The following KMT2C variants were observed in gnomAD, a reference collection of about 807,000 sequenced individuals.
KMT2C encodes the protein lysine methyltransferase 2C.
KMT2C carries 88 observed loss-of-function variants against 507.9 expected under a neutral mutation model. The ratio of observed to expected loss-of-function variants is 0.17; its 90% CI spans 0.15 to 0.21. The LOEUF (loss-of-function observed/expected upper bound fraction) is 0.21. KMT2C is among the 10% of genes least tolerant of loss of function. KMT2C has a pLI of 1.00. For synonymous variants in KMT2C, 2,049 were observed against 2,080.8 expected (o/e 0.98, Z 0.42); for missense variants, 4,954 against 5,957.8 (o/e 0.83, Z 5.55).
rs367953845 is a variant in KMT2C, at chr7:152,412,412, T to G, written c.161+23214A>C. 8.6e-3 allele frequency among the ~76,000 whole-genome samples: 1,315 copies of G among 152,236 alleles called. 21 individuals carry two copies. Among genetic ancestry groups the G allele is most frequent in the African/African-American group, 0.031 (1,269 of 41,544 alleles). On this transcript the variant is annotated intron_variant, in intron 1 of 58. Coordinates refer to ENST00000262189, the MANE Select transcript of KMT2C (RefSeq NM_170606.3). ...CAAGACTCCCTCTCAAAAAAAAATT[T>G]TTTTAATGTTGCAACCAATTTTTCT...
At chr7:152,222,753 T>C in intron 20 of KMT2C, 71 bp from the exon 21 acceptor site, 3 of 826,426 alleles carry the variant, frequency 3.6e-6, no homozygotes, top group South Asian at 3.0e-5. Context: ...TTTTAAAACC[T>C]GTAACACTGA....
At chr7:152,268,291 T>C (rs1394672948) in intron 7 of KMT2C, among the ~76,000 whole-genome samples, 1 of 151,940 alleles carries the variant, frequency 6.6e-6, no homozygotes, top group African/African-American at 2.4e-5. Context: ...AAAAAAACTC[T>C]GCACATTATT....
intron 1 of KMT2C, among the ~76,000 whole-genome samples, chr7:152,397,755 CGA>C (rs1564112937): frequency 6.6e-6 from 1 of 152,118 alleles, no homozygotes; most frequent in African/African-American, 2.4e-5. Flanking sequence ...ATAAATCTCA[CGA>C]GATATGATAG....
chr7:152,261,732 ACAAATT>A (rs1415662182), intron 9 of KMT2C, among the ~76,000 whole-genome samples: 1 of 152,232 alleles, frequency 6.6e-6, no homozygotes, highest in Non-Finnish European at 1.5e-5. Flanking sequence ...AAAATGAATT[ACAAATT>A]CAACTTCATA....
At chr7:152,338,759 A>G (rs1400152190) in intron 2 of KMT2C, among the ~76,000 whole-genome samples, 1 of 152,224 alleles carries the variant, frequency 6.6e-6, no homozygotes, top group Non-Finnish European at 1.5e-5. Context: ...CACTACTTCC[A>G]CCGCCTGGCA....
intron 24 of KMT2C, 94 bp downstream of exon 24, chr7:152,207,206 G>T (rs1442196538): frequency 8.6e-7 from 1 of 1,166,454 alleles, no homozygotes; most frequent in Non-Finnish European, 1.2e-6. Context: ...TCTGAAGCCT[G>T]AATATTTAAT....
chr7:152,179,287 C>T (rs886877898), intron 37 of KMT2C, among the ~76,000 whole-genome samples: 2 of 152,234 alleles, frequency 1.3e-5, no homozygotes, highest in African/African-American at 2.4e-5. Context: ...TGAGCCACTG[C>T]GCCCAGCCTA....
At chr7:152,435,166 G>A (rs1182951443) in intron 1 of KMT2C, among the ~76,000 whole-genome samples, 1 of 151,946 alleles carries the variant, frequency 6.6e-6, no homozygotes, top group Non-Finnish European at 1.5e-5. Context: ...CCCAGCCCGC[G>A]CCCCGAGACC....
At position 152,158,966 on chromosome 7, in the gene KMT2C, C is replaced by G. The variant is rs2092280456; in HGVS notation, c.11567G>C (p.Arg3856Thr). The change falls in exon 44 of 59, where the codon AGG becomes ACG. Residue 3856 changes from arginine to threonine, a missense_variant. By Grantham distance (71) the Arg-to-Thr change is moderately conservative. Coordinates refer to ENST00000262189, the MANE Select transcript of KMT2C (RefSeq NM_170606.3). ...TKKQRSKRTQ[R>T]TGEKAAPRSK... Reference sequence around the variant, plus strand: ...GCGAGGTGCTGCTTTCTCACCCGTCCTCTGAGTCCGTTTGCTTCGCTGTTT... The same window carrying G: ...GCGAGGTGCTGCTTTCTCACCCGTCGTCTGAGTCCGTTTGCTTCGCTGTTT... 6.2e-7 allele frequency: 1 copy of G among 1,614,188 alleles called. No individual in the cohort carries two copies. Among genetic ancestry groups the G allele is most frequent in the Non-Finnish European group, 8.5e-7 (1 of 1,180,034 alleles).
chr7:152,160,631 A>T (rs1005535058), intron 43 of KMT2C, among the ~76,000 whole-genome samples: 16 of 146,658 alleles, frequency 1.1e-4, no homozygotes, highest in African/African-American at 4.0e-4. Context: ...ATATATTTAT[A>T]TATTTATATT....
At chr7:152,256,488 G>A (rs2095664245) in intron 9 of KMT2C, among the ~76,000 whole-genome samples, 2 of 152,144 alleles carry the variant, frequency 1.3e-5, no homozygotes, top group African/African-American at 4.8e-5. Flanking sequence ...CTTGAGCCCA[G>A]GTCAAGGCTA....
chr7:152,156,798 T>C (rs1033465922), intron 44 of KMT2C, among the ~76,000 whole-genome samples: 3 of 152,138 alleles, frequency 2.0e-5, no homozygotes, highest in African/African-American at 7.2e-5. Context: ...ACAACTCACA[T>C]CCGAGATATG....
In KMT2C at chr7:152,367,517, G is replaced by A; in HGVS notation, c.162-8842C>T. 4 of 1,076,818 alleles carry A rather than the reference G, an allele frequency of 3.7e-6. No individual in the cohort carries two copies. The South Asian group carries it at 5.0e-5, about 13-fold the overall frequency. 66.7% of individuals were successfully genotyped at this position (1,076,818 alleles called of 1,614,324 possible). A position where few individuals can be genotyped will look rare whatever the true frequency, so the allele number is the denominator to read the frequency against. On this transcript the variant is annotated intron_variant, in intron 1 of 58. Transcript: ENST00000262189. ...ACAGGTGTGAGCCACCTTACCCAGAGAGGCGAACCTGGATTGGGAAAGTCG... is the reference window on the plus strand; with the variant it reads ...ACAGGTGTGAGCCACCTTACCCAGAAAGGCGAACCTGGATTGGGAAAGTCG...
intron 1 of KMT2C, among the ~76,000 whole-genome samples, chr7:152,389,953 A>C (rs1173020051): frequency 1.3e-5 from 2 of 152,250 alleles, no homozygotes; most frequent in Non-Finnish European, 2.9e-5. Context: ...AAAAGAAGTA[A>C]CTCAGAACCA....
chr7:152,232,619 T>A lies in KMT2C; in HGVS notation c.2770-2298A>T, dbSNP rs182145149. ...AGGGAAATAAGAAGGACTGAGGAGT[T>A]AGTAATGGTAAATTCTGATCTACCT... On this transcript the variant is annotated intron_variant, in intron 16 of 58. Transcript: ENST00000262189. Among the ~76,000 whole-genome samples the A allele has an allele frequency of 5.0e-3, 760 of 152,276 alleles. 2 individuals are homozygous for A. Among genetic ancestry groups the A allele is most frequent in the Non-Finnish European group, 6.7e-3 (455 of 68,000 alleles).
intron 1 of KMT2C, among the ~76,000 whole-genome samples, chr7:152,430,185 A>G (rs1160902628): frequency 7.7e-6 from 1 of 129,268 alleles, no homozygotes; most frequent in Admixed American, 7.6e-5. Flanking sequence ...CAAAAAAAAG[A>G]AAAAAAAAAA....
Position 152,430,223 on chromosome 7 carries a change from C to T in KMT2C, c.161+5403G>A, listed in dbSNP as rs1470903752. Among the ~76,000 whole-genome samples the T allele has an allele frequency of 4.0e-5, 6 of 151,428 alleles. No homozygotes were observed. The South Asian group carries it at 1.0e-3, about 26-fold the overall frequency. The stretch of plus-strand genomic sequence containing the variant: ...AACAGAAATCATCTCTATTCTACTT[C>T]GTAACTTTTGCCACTTATCCTGCCA... On this transcript the variant is annotated intron_variant, in intron 1 of 58. Transcript: ENST00000262189.
At chr7:152,351,904 C>T (rs1297247573) in intron 2 of KMT2C, among the ~76,000 whole-genome samples, 1 of 152,062 alleles carries the variant, frequency 6.6e-6, no homozygotes, top group African/African-American at 2.4e-5. Flanking sequence ...AAATTGTTTG[C>T]AGAGCATGTG....
chr7:152,433,813 G>C (rs555171127), intron 1 of KMT2C, among the ~76,000 whole-genome samples: 1 of 152,278 alleles, frequency 6.6e-6, no homozygotes, highest in Non-Finnish European at 1.5e-5. Flanking sequence ...ATACAAATGA[G>C]CTCATTTCAA....
Sources: allele counts gnomAD v4.1 joint callset (sites outside exome capture counted in the v4.1 genomes callset), GRCh38; gene constraint gnomAD v4.1.1; transcripts MANE v1.5; gene names NCBI Gene and HGNC (gene_info 2026-07-23, HGNC 2026-07-21).